The following MED26 variants were observed in gnomAD, a reference collection of about 807,000 sequenced individuals.
MED26 encodes mediator complex subunit 26.
A neutral mutation model predicts 43.7 loss-of-function variants in MED26; 7 were observed. The ratio of observed to expected loss-of-function variants is 0.16; its 90% confidence interval spans 0.09 to 0.30. The LOEUF is 0.30. Ranked by LOEUF, MED26 falls within the 10% of genes least tolerant of loss-of-function variation. The pLI is 1.00. For synonymous variants in MED26, 375 were observed against 371.1 expected (o/e 1.01, Z -0.12); for missense variants, 784 against 840.6 (o/e 0.93, Z 0.83).
chr19:16,593,916 T>G (rs2086109060), intron 1 of MED26, among the ~76,000 whole-genome samples: 1 of 152,190 alleles, frequency 6.6e-6, no homozygotes, highest in African/African-American at 2.4e-5. Context: ...CAACGTGTTT[T>G]GAGAGAGCCT....
At chr19:16,608,936 G>C (rs1216262777) in intron 1 of MED26, among the ~76,000 whole-genome samples, 2 of 152,184 alleles carry the variant, frequency 1.3e-5, no homozygotes, top group Non-Finnish European at 2.9e-5. Flanking sequence ...TTGGGAACAG[G>C]ACAATTGAGA....
At chr19:16,627,081 AG>A (rs1330581746) in intron 1 of MED26, among the ~76,000 whole-genome samples, 1 of 152,192 alleles carries the variant, frequency 6.6e-6, no homozygotes, top group Admixed American at 6.5e-5. Context: ...CCCCCAGGTG[AG>A]GGAAAGAGCC....
At chr19:16,596,384 G>C (rs369208530) in intron 1 of MED26, among the ~76,000 whole-genome samples, 3 of 152,232 alleles carry the variant, frequency 2.0e-5, no homozygotes, top group South Asian at 2.1e-4. Context: ...GGCCAGTCAG[G>C]CAAGAGAGAG....
intron 1 of MED26, among the ~76,000 whole-genome samples, chr19:16,595,961 C>T (rs1041231752): frequency 3.9e-5 from 6 of 152,204 alleles, no homozygotes; most frequent in African/African-American, 9.7e-5. Flanking sequence ...TTAAACTTTA[C>T]TCCAAGAGAG....
At position 16,586,236 on chromosome 19, in the gene MED26, A is replaced by G. The variant is rs1157625402; in HGVS notation, c.73-7827T>C. 6.6e-6 allele frequency among the ~76,000 whole-genome samples: 1 copy of G among 152,252 alleles called. No homozygotes were observed. The highest frequency in any genetic ancestry group is 1.5e-5 in the Non-Finnish European group (1 of 68,052). On this transcript the variant is annotated intron_variant, in intron 1 of 2. Coordinates refer to ENST00000263390, the MANE Select transcript of MED26 (RefSeq NM_004831.5). The surrounding 1 kb of genome is among the most constrained non-coding windows in gnomAD (Gnocchi z 5.1). ...ATCACTGGTGGGTTGCCCTTGTGCC[A>G]AGTTCTTTCACGTCATCCTCACAAG...
intron 1 of MED26, among the ~76,000 whole-genome samples, chr19:16,602,117 T>G (rs922711859): frequency 1.3e-5 from 2 of 152,234 alleles, no homozygotes; most frequent in African/African-American, 4.8e-5. Context: ...GACGTGCACC[T>G]GCTGGTTCAT....
intron 1 of MED26, among the ~76,000 whole-genome samples, chr19:16,623,635 T>C (rs1021207729): frequency 2.6e-5 from 4 of 152,108 alleles, no homozygotes; most frequent in African/African-American, 7.2e-5. Flanking sequence ...AGATGTAACA[T>C]AGGTAAATCC....
chr19:16,618,555 T>C (rs556323802), intron 1 of MED26, among the ~76,000 whole-genome samples: 8 of 152,206 alleles, frequency 5.3e-5, no homozygotes, highest in Non-Finnish European at 1.2e-4. Context: ...AACCACCCTG[T>C]TGCTACTCTG....
At chr19:16,580,054 C>T (rs759248396) in intron 1 of MED26, among the ~76,000 whole-genome samples, 7 of 152,140 alleles carry the variant, frequency 4.6e-5, no homozygotes, top group Non-Finnish European at 1.0e-4. Context: ...AGGCTGCAAC[C>T]GACGGCAGTG....
intron 1 of MED26, among the ~76,000 whole-genome samples, chr19:16,607,312 A>G (rs2086178142): frequency 3.3e-5 from 5 of 151,998 alleles, no homozygotes; most frequent in Non-Finnish European, 5.9e-5. Context: ...CCGAGGCTAC[A>G]ATGATCTATG....
At chr19:16,595,450 C>A (rs1208863989) in intron 1 of MED26, among the ~76,000 whole-genome samples, 1 of 151,556 alleles carries the variant, frequency 6.6e-6, no homozygotes, top group African/African-American at 2.4e-5. Context: ...TGTCTTGAAC[C>A]CCAGCAGCCT....
chr19:16,576,658 C>A lies in MED26; in HGVS notation c.1172G>T (p.Ser391Ile), dbSNP rs1748315901. The stretch of plus-strand genomic sequence containing the variant: ...AGGTCGGTACCTCTTCTTCTTTTTA[C>A]TGTCCGAGCCCCCTGAGGAGGCAGC... Reference protein sequence around the residue: ...SDAASSGGSDSKKKKRYRPRD... With the variant: ...SDAASSGGSDIKKKKRYRPRD... The change falls in exon 3 of 3, where the codon AGT becomes ATT. Residue 391 changes from serine (S) to isoleucine (I), a missense_variant. Ser to Ile is a moderately radical substitution (Grantham distance 142). This residue lies in a region of MED26 where 719 missense variants were observed against 730.9 expected (regional missense o/e 0.98). Transcript: ENST00000263390. This position sits in a 1 kb window ranked among gnomAD's most constrained non-coding sequence, Gnocchi z 6.8. 1.2e-6 allele frequency: 2 copies of A among 1,614,076 alleles called. No homozygotes were observed. The highest frequency in any genetic ancestry group is 1.7e-6 in the Non-Finnish European group (2 of 1,180,052).
chr19:16,591,013 C>T (rs996283898), intron 1 of MED26, among the ~76,000 whole-genome samples: 1 of 151,378 alleles, frequency 6.6e-6, no homozygotes, highest in African/African-American at 2.4e-5. Context: ...GCACTCCAGC[C>T]TGGGCCACAG....
At position 16,581,896 on chromosome 19, in the gene MED26, G is replaced by A. The variant is rs3786593; in HGVS notation, c.73-3487C>T. On this transcript the variant is annotated intron_variant, in intron 1 of 2. Coordinates refer to ENST00000263390, the MANE Select transcript of MED26 (RefSeq NM_004831.5). ...TGGCAGTCCCCTTTCTGTCCCCACC[G>A]TGTGAGCTGCTCACCTGAGGAGTAG... Among the ~76,000 whole-genome samples, 29 of 152,344 alleles carry A rather than the reference G, an allele frequency of 1.9e-4. 1 individual carries two copies. The East Asian group carries it at 5.6e-3, about 29-fold the overall frequency.
chr19:16,604,820 A>T (rs1489222632), intron 1 of MED26, among the ~76,000 whole-genome samples: 1 of 152,206 alleles, frequency 6.6e-6, no homozygotes, highest in African/African-American at 2.4e-5. Context: ...TACCCCTGGG[A>T]GCCGGCTCAT....
At chr19:16,597,353 A>T (rs1427445642) in intron 1 of MED26, 1 of 398,484 alleles carries the variant, frequency 2.5e-6, no homozygotes, top group South Asian at 1.3e-4. Context: ...ACCAGATCCC[A>T]GTATGACACA....
chr19:16,603,886 T>G (rs1599341992), intron 1 of MED26, among the ~76,000 whole-genome samples: 1 of 151,980 alleles, frequency 6.6e-6, no homozygotes, highest in South Asian at 2.1e-4. Context: ...ATGGAAGAGG[T>G]ACCCATGGAA....
intron 1 of MED26, among the ~76,000 whole-genome samples, chr19:16,604,538 C>A (rs1043493948): frequency 1.3e-5 from 2 of 152,196 alleles, no homozygotes; most frequent in Admixed American, 1.3e-4. Flanking sequence ...GATGTGCAGG[C>A]TGAGGCTGGG....
chr19:16,609,110 T>C (rs1364393319), intron 1 of MED26, among the ~76,000 whole-genome samples: 1 of 148,714 alleles, frequency 6.7e-6, no homozygotes, highest in Non-Finnish European at 1.5e-5. Flanking sequence ...AGGCCAGGAG[T>C]TCAAGACCAG....
Sources: allele counts gnomAD v4.1 joint callset (sites outside exome capture counted in the v4.1 genomes callset), GRCh38; gene constraint gnomAD v4.1.1; regional missense constraint gnomAD v4.1.1; non-coding constraint Gnocchi (gnomAD v3.1); transcripts MANE v1.5; gene names NCBI Gene and HGNC (gene_info 2026-07-23, HGNC 2026-07-21).